The following SUMF1 variants were observed in gnomAD, a reference collection of about 807,000 sequenced individuals.
SUMF1 encodes sulfatase modifying factor 1, also known as formylglycine-generating enzyme.
A neutral mutation model predicts 47.6 loss-of-function variants in SUMF1; 48 were observed. That is an observed-to-expected ratio of 1.01 (90% CI 0.80 to 1.28). The LOEUF is 1.28. Among genes scored for constraint, SUMF1 ranks in the 50% most tolerant of loss-of-function variants. The probability of loss-of-function intolerance (pLI) is 0.00; values close to 1 mark genes in which losing one functional copy is unlikely to be tolerated. For synonymous variants in SUMF1, 230 were observed against 192.1 expected (o/e 1.20, Z -1.63); for missense variants, 571 against 485.4 (o/e 1.18, Z -1.66).
intron 8 of SUMF1, among the ~76,000 whole-genome samples, chr3:4,236,057 CT>C (rs141145818): frequency 0.034 from 5,211 of 152,162 alleles, 144 homozygotes; most frequent in Non-Finnish European, 0.055. Context: ...ATTCCCCTAC[CT>C]TAGCCCCCCA....
intron 8 of SUMF1, chr3:4,303,333 G>C (rs1299661979): frequency 6.6e-7 from 1 of 1,508,910 alleles, no homozygotes; most frequent in African/African-American, 1.5e-5. Flanking sequence ...GCGCGGCCCA[G>C]GACTGTCAGG....
At chr3:4,205,856 G>A (rs1170353654) in intron 8 of SUMF1, among the ~76,000 whole-genome samples, 1 of 152,040 alleles carries the variant, frequency 6.6e-6, no homozygotes, top group African/African-American at 2.4e-5. Flanking sequence ...CTACCACTGG[G>A]GATGTGCTGG....
At chr3:4,290,614 C>T (rs1031666861) in intron 8 of SUMF1, among the ~76,000 whole-genome samples, 3 of 152,156 alleles carry the variant, frequency 2.0e-5, no homozygotes, top group Admixed American at 1.3e-4. Context: ...ACTACCCGCT[C>T]CTCAAAATAC....
chr3:4,264,831 A>G (rs1407046856), intron 8 of SUMF1, among the ~76,000 whole-genome samples: 1 of 152,152 alleles, frequency 6.6e-6, no homozygotes, highest in East Asian at 1.9e-4. Flanking sequence ...AACTCTCATC[A>G]GTTAAGAACA....
At chr3:4,303,639 A>T in intron 8 of SUMF1, 1 of 1,420,482 alleles carries the variant, frequency 7.0e-7, no homozygotes, top group Non-Finnish European at 9.2e-7. Context: ...CTTCTCTTAC[A>T]GCGCACCCGT....
At position 4,331,608 on chromosome 3, in the gene SUMF1, AC is replaced by A. The variant is rs1165022692; in HGVS notation, c.1014+44721del. Among the ~76,000 whole-genome samples, 70 of 152,310 alleles carry A rather than the reference AC, an allele frequency of 4.6e-4. 2 individuals are homozygous for A. Among genetic ancestry groups the A allele is most frequent in the Admixed American group, 4.4e-3 (68 of 15,302 alleles). ...TTTGGGAGGCTGAAGTGGGTGGATC[AC>A]CTGAGGTCAGGAGTTCAAGTCCAGA... On this transcript the variant is annotated intron_variant and NMD_transcript_variant, in intron 8 of 12. Coordinates refer to the SUMF1 transcript ENST00000448413.
chr3:4,424,592 AC>A (rs1702008251), intron 3 of SUMF1, among the ~76,000 whole-genome samples: 1 of 25,080 alleles, frequency 4.0e-5, no homozygotes, highest in Non-Finnish European at 1.3e-4. Context: ...ATAGTTTCTA[AC>A]TTAAAATTAC....
intron 8 of SUMF1, among the ~76,000 whole-genome samples, chr3:4,077,266 G>C (rs1217118931): frequency 6.6e-6 from 1 of 152,076 alleles, no homozygotes; most frequent in African/African-American, 2.4e-5. Context: ...CAAGGATCTA[G>C]AACTAGAAAT....
intron 8 of SUMF1, chr3:4,068,756 T>TAAGAAGAAG (rs34308595): frequency 6.1e-6 from 2 of 327,994 alleles, no homozygotes; most frequent in African/African-American, 4.3e-5. Context: ...CTAAAACAAA[T>TAAGAAGAAG]AAGAAGAAGA....
intron 9 of SUMF1, among the ~76,000 whole-genome samples, chr3:4,048,924 G>A (rs748839133): frequency 2.0e-4 from 31 of 152,108 alleles, no homozygotes; most frequent in Admixed American, 9.2e-4. Flanking sequence ...TTGCTTATCA[G>A]TCTGTCTGTA....
At chr3:4,382,330 AT>A (rs1445004832) in intron 7 of SUMF1, among the ~76,000 whole-genome samples, 1 of 118,454 alleles carries the variant, frequency 8.4e-6, no homozygotes, top group African/African-American at 4.1e-5. Flanking sequence ...ACACACACAC[AT>A]ACATGCACAC....
At chr3:4,108,134 CT>C (rs560148356) in intron 8 of SUMF1, among the ~76,000 whole-genome samples, 562 of 152,196 alleles carry the variant, frequency 3.7e-3, no homozygotes, top group Non-Finnish European at 6.3e-3. Context: ...TGTTTTTGTT[CT>C]CATTAGTTTC....
At chr3:4,090,672 T>C (rs992674439) in intron 8 of SUMF1, among the ~76,000 whole-genome samples, 1 of 152,124 alleles carries the variant, frequency 6.6e-6, no homozygotes, top group Non-Finnish European at 1.5e-5. Context: ...TTGAACTGCA[T>C]GGTGGTTGGA....
chr3:4,199,692 G>A lies in SUMF1; in HGVS notation c.1015-130947C>T, dbSNP rs113765850. 8.6e-4 allele frequency among the ~76,000 whole-genome samples: 130 copies of A among 152,020 alleles called. 3 individuals carry two copies. The highest frequency in any genetic ancestry group is 3.0e-3 in the African/African-American group (124 of 41,484). The stretch of plus-strand genomic sequence containing the variant: ...AATAAGTGTGTAGTAATATCTCTCC[G>A]GTGTTTCAATTCTCATTTCCCTAAT... On this transcript the variant is annotated intron_variant and NMD_transcript_variant, in intron 8 of 12. Transcript: ENST00000448413.
At chr3:4,057,244 G>A (rs993645230) in intron 9 of SUMF1, among the ~76,000 whole-genome samples, 4 of 152,154 alleles carry the variant, frequency 2.6e-5, no homozygotes, top group Admixed American at 2.0e-4. Context: ...GCCAGATGGA[G>A]AAATGAGCAA....
chr3:4,091,196 A>G (rs528039165), intron 8 of SUMF1, among the ~76,000 whole-genome samples: 1 of 152,106 alleles, frequency 6.6e-6, no homozygotes, highest in East Asian at 1.9e-4. Context: ...TCTTATTTAT[A>G]TCAATTAGTT....
chr3:4,446,668 T>A (rs375990497), intron 3 of SUMF1, among the ~76,000 whole-genome samples: 19 of 152,276 alleles, frequency 1.2e-4, no homozygotes, highest in African/African-American at 4.3e-4. Flanking sequence ...GGTTCAAACC[T>A]GAGTCTGATC....
At chr3:4,160,194 T>C (rs889754744) in intron 8 of SUMF1, among the ~76,000 whole-genome samples, 4 of 152,144 alleles carry the variant, frequency 2.6e-5, no homozygotes, top group Non-Finnish European at 5.9e-5. Flanking sequence ...AACTCTTAGA[T>C]TTGCCCTTTT....
At chr3:4,326,684 A>AT (rs557382041) in intron 8 of SUMF1, among the ~76,000 whole-genome samples, 54 of 151,446 alleles carry the variant, frequency 3.6e-4, no homozygotes, top group African/African-American at 9.5e-4. Flanking sequence ...TAACCAGATA[A>AT]TTTTTTTTGT....
Sources: allele counts gnomAD v4.1 joint callset (sites outside exome capture counted in the v4.1 genomes callset), GRCh38; gene constraint gnomAD v4.1.1; transcripts MANE v1.5; gene names NCBI Gene and HGNC (gene_info 2026-07-23, HGNC 2026-07-21).